DNAH11: variants seen among roughly 807,000 people sequenced by gnomAD.
DNAH11 encodes the protein dynein axonemal heavy chain 11, also known as axonemal beta dynein heavy chain 11.
Under a neutral mutation model 526.0 loss-of-function variants are expected in DNAH11, and 442 were observed. The ratio of observed to expected loss-of-function variants is 0.84; its 90% CI spans 0.78 to 0.91. The LOEUF is 0.91. DNAH11 is among the 40% of genes least tolerant of loss of function. The pLI, the probability that DNAH11 is intolerant of heterozygous loss-of-function variation, is 0.00. For synonymous variants in DNAH11, 2,461 were observed against 1,935.9 expected (o/e 1.27, Z -7.12); for missense variants, 6,989 against 5,448.7 (o/e 1.28, Z -8.90).
At chr7:21,613,399 TTTC>T (rs1785619445) in intron 20 of DNAH11, among the ~76,000 whole-genome samples, 2 of 152,220 alleles carry the variant, frequency 1.3e-5, no homozygotes, top group African/African-American at 4.8e-5. Flanking sequence ...ATTAGTCATA[TTTC>T]TTAGGCTAGG....
chr7:21,801,983 C>T (rs1789015407), intron 62 of DNAH11, among the ~76,000 whole-genome samples: 2 of 152,152 alleles, frequency 1.3e-5, no homozygotes, highest in Non-Finnish European at 2.9e-5. Context: ...TTATTTGCTC[C>T]ACAACGTGGC....
chr7:21,753,861 C>T (rs561465003), intron 54 of DNAH11, among the ~76,000 whole-genome samples: 1 of 152,248 alleles, frequency 6.6e-6, no homozygotes, highest in South Asian at 2.1e-4. Flanking sequence ...CAATTTTGAT[C>T]GAAATCATGC....
chr7:21,827,425 T>TAAA lies in DNAH11; in HGVS notation c.10691+9088_10691+9090dup, dbSNP rs1284180438. 1.4e-4 allele frequency among the ~76,000 whole-genome samples: 21 copies of TAAA among 151,810 alleles called. 1 individual carries two copies. The East Asian group carries it at 4.0e-3, about 29-fold the overall frequency. On this transcript the variant is annotated intron_variant, in intron 65 of 81. Coordinates refer to ENST00000409508, the MANE Select transcript of DNAH11 (RefSeq NM_001277115.2). ...TACCCCTAAATATTTTTGAATTTTT[T>TAAA]AAAATATTATTTAAATATTATTATA...
At chr7:21,624,215 G>A (rs1583539617) in intron 25 of DNAH11, among the ~76,000 whole-genome samples, 1 of 152,142 alleles carries the variant, frequency 6.6e-6, no homozygotes, top group African/African-American at 2.4e-5. Context: ...ATACCTTTCA[G>A]TGTGTTTGTA....
At chr7:21,713,279 C>T (rs1784529574) in intron 42 of DNAH11, among the ~76,000 whole-genome samples, 1 of 152,186 alleles carries the variant, frequency 6.6e-6, no homozygotes, top group Non-Finnish European at 1.5e-5. Flanking sequence ...TCACCCTCTT[C>T]TGTGGTCTGT....
At chr7:21,789,832 CT>C (rs1328288224) in intron 61 of DNAH11, among the ~76,000 whole-genome samples, 1 of 125,356 alleles carries the variant, frequency 8.0e-6, no homozygotes, top group Non-Finnish European at 1.7e-5. Flanking sequence ...TTCTTTCTTT[CT>C]TTCTTTCTTT....
At chr7:21,555,596 T>G (rs183115259) in intron 2 of DNAH11, among the ~76,000 whole-genome samples, 1 of 152,342 alleles carries the variant, frequency 6.6e-6, no homozygotes, top group Admixed American at 6.5e-5. Flanking sequence ...ATCTATGTTA[T>G]ATCTCAGTTA....
chr7:21,825,115 C>T (rs189193225), intron 65 of DNAH11, among the ~76,000 whole-genome samples: 7 of 152,278 alleles, frequency 4.6e-5, no homozygotes, highest in Admixed American at 3.9e-4. Context: ...AAATGATCTG[C>T]CCACCTTGGC....
At position 21,635,883 on chromosome 7, in the gene DNAH11, ACT is replaced by A. The variant is rs72657323; in HGVS notation, c.4516_4517del (p.Leu1506SerfsTer11). 1 of 1,609,956 alleles carries A rather than the reference ACT, an allele frequency of 6.2e-7. No homozygotes were observed. Among genetic ancestry groups the A allele is most frequent in the Non-Finnish European group, 8.5e-7 (1 of 1,177,904 alleles). On this transcript the variant is annotated frameshift_variant, in exon 26 of 82. Transcript: ENST00000409508. LOFTEE classifies it high-confidence loss of function. ...TLEHNQVQLQ[T>X]LLQSKYVEYF... ...GCCTTTATTTTAGGTTCAGTTGCAG[ACT>A]CTTCTTCAAAGCAAGTATGTAGAAT...
At chr7:21,559,559 A>G in intron 3 of DNAH11, 44 bp from the exon 4 acceptor site, 1 of 1,457,662 alleles carries the variant, frequency 6.9e-7, no homozygotes, top group South Asian at 1.3e-5. Flanking sequence ...TCTTTGGATA[A>G]AATGATTCAT....
intron 2 of DNAH11, among the ~76,000 whole-genome samples, chr7:21,557,629 G>C (rs1020034393): frequency 6.6e-6 from 1 of 152,116 alleles, no homozygotes; most frequent in African/African-American, 2.4e-5. Flanking sequence ...TTGGGGGTTA[G>C]GATTTCAATA....
intron 34 of DNAH11, 21 bp downstream of exon 34, chr7:21,687,548 C>G (rs746816148): frequency 6.2e-7 from 1 of 1,609,238 alleles, no homozygotes; most frequent in South Asian, 1.1e-5. Flanking sequence ...TGCAGGCTAT[C>G]TCTTGTTACA....
In DNAH11 at chr7:21,704,587, C is replaced by A; in HGVS notation, c.6427C>A (p.Leu2143Met). The A allele has an allele frequency of 6.2e-7, 1 of 1,611,396 alleles. No individual in the cohort carries two copies. The highest frequency in any genetic ancestry group is 1.1e-5 in the South Asian group (1 of 90,246). Residue 2143 changes from leucine to methionine, a missense_variant, in exon 38 of 82, where the codon CTG (leucine) becomes ATG (methionine). Leu to Met is a conservative substitution (Grantham distance 15). Transcript: ENST00000409508. ...TGAACAGATGGTCAGGCAGTCTACCCTGGAGCTCCGCCTGCAGCCTGAAGA... is the reference window on the plus strand; with the variant it reads ...TGAACAGATGGTCAGGCAGTCTACCATGGAGCTCCGCCTGCAGCCTGAAGA... ...HFEQMVRQST[L>M]ELRLQPEESF...
intron 2 of DNAH11, among the ~76,000 whole-genome samples, chr7:21,558,574 T>C (rs1052616901): frequency 1.3e-5 from 2 of 152,238 alleles, no homozygotes; most frequent in African/African-American, 4.8e-5. Flanking sequence ...AAATGTTTGA[T>C]AAATGGGTAA....
At chr7:21,845,778 T>A (rs1310128271) in intron 66 of DNAH11, among the ~76,000 whole-genome samples, 1 of 152,178 alleles carries the variant, frequency 6.6e-6, no homozygotes, top group Non-Finnish European at 1.5e-5. Context: ...TTTTGAATAA[T>A]ATTGTGTTGA....
chr7:21,594,214 G>A (rs1784791794), intron 14 of DNAH11, among the ~76,000 whole-genome samples: 1 of 152,138 alleles, frequency 6.6e-6, no homozygotes, highest in African/African-American at 2.4e-5. Flanking sequence ...TAAAATGAAG[G>A]TCCTTGTCTC....
intron 28 of DNAH11, among the ~76,000 whole-genome samples, chr7:21,647,427 CTTTTTT>C (rs71026810): frequency 8.2e-6 from 1 of 121,250 alleles, no homozygotes; most frequent in Non-Finnish European, 1.7e-5. Context: ...TTCTTTCTTT[CTTTTTT>C]TTTTTTTTTT....
chr7:21,773,877 A>G lies in DNAH11; in HGVS notation c.9214A>G (p.Lys3072Glu). 1 of 1,606,630 alleles carries G rather than the reference A, an allele frequency of 6.2e-7. No homozygotes were observed. Among genetic ancestry groups the G allele is most frequent in the South Asian group, 1.1e-5 (1 of 89,196 alleles). Reference protein sequence around the residue: ...NERRHNYTTPKSFLEQISLFK... With the variant: ...NERRHNYTTPESFLEQISLFK... ...GAGAAGACACAACTATACCACCCCA[A>G]AGAGTTTTCTAGAACAAATATCACT... The change falls in exon 56 of 82, where the codon AAG (lysine) becomes GAG (glutamate). Residue 3072 changes from lysine (K) to glutamate (E), a missense_variant. Coordinates refer to ENST00000409508, the MANE Select transcript of DNAH11 (RefSeq NM_001277115.2).
intron 25 of DNAH11, among the ~76,000 whole-genome samples, chr7:21,628,425 T>C (rs1162904962): frequency 6.6e-6 from 1 of 152,296 alleles, no homozygotes; most frequent in East Asian, 1.9e-4. Context: ...TAGCTGTGGA[T>C]TTATTGTATA....
Sources: allele counts gnomAD v4.1 joint callset (sites outside exome capture counted in the v4.1 genomes callset), GRCh38; gene constraint gnomAD v4.1.1; transcripts MANE v1.5; gene names NCBI Gene and HGNC (gene_info 2026-07-23, HGNC 2026-07-21).